Variants in SEMA6D observed in about 807,000 individuals in gnomAD.
SEMA6D encodes semaphorin 6D.
SEMA6D carries 35 observed loss-of-function variants against 106.6 expected under a neutral mutation model. The ratio of observed to expected loss-of-function variants is 0.33; its 90% CI spans 0.25 to 0.44. SEMA6D has a LOEUF of 0.44. Ranked by LOEUF, SEMA6D falls within the 20% of genes least tolerant of loss-of-function variation. SEMA6D has a pLI of 1.00. For missense variants in SEMA6D, 1,185 were observed against 1,345.9 expected (o/e 0.88, Z 1.87); for synonymous variants, 499 against 487.7 (o/e 1.02, Z -0.31).
At chr15:47,291,432 A>G (rs2035589195) in intron 1 of SEMA6D, among the ~76,000 whole-genome samples, 1 of 151,884 alleles carries the variant, frequency 6.6e-6, no homozygotes, top group Non-Finnish European at 1.5e-5. Flanking sequence ...CCAGCACTGG[A>G]CTCTCACCTG....
chr15:47,571,075 C>T (rs1456880459), intron 3 of SEMA6D, among the ~76,000 whole-genome samples: 2 of 152,178 alleles, frequency 1.3e-5, no homozygotes, highest in Non-Finnish European at 2.9e-5. Context: ...AATTCCCTCC[C>T]CTCCCCACTC....
intron 4 of SEMA6D, among the ~76,000 whole-genome samples, chr15:47,641,327 T>C (rs1164050524): frequency 6.6e-6 from 1 of 152,220 alleles, no homozygotes; most frequent in African/African-American, 2.4e-5. Context: ...ACTGAGTGTG[T>C]TGGCAAAGGA....
chr15:47,657,113 T>TG (rs2077812544), intron 4 of SEMA6D, among the ~76,000 whole-genome samples: 1 of 152,206 alleles, frequency 6.6e-6, no homozygotes, highest in Admixed American at 6.5e-5. Context: ...GAAGAAATTG[T>TG]ACAGTTTGAT....
At chr15:47,211,317 C>T (rs994050645) in intron 1 of SEMA6D, among the ~76,000 whole-genome samples, 1 of 152,236 alleles carries the variant, frequency 6.6e-6, no homozygotes, top group African/African-American at 2.4e-5. Context: ...GGATTTACTT[C>T]ATTCTCTTTA....
chr15:47,614,228 G>C (rs974153561), intron 4 of SEMA6D, among the ~76,000 whole-genome samples: 4 of 152,114 alleles, frequency 2.6e-5, no homozygotes, highest in African/African-American at 9.7e-5. Flanking sequence ...TACAAAGTGC[G>C]TGCCCAAACC....
chr15:47,553,411 G>T (rs903228126), intron 3 of SEMA6D, among the ~76,000 whole-genome samples: 3 of 152,078 alleles, frequency 2.0e-5, no homozygotes, highest in African/African-American at 7.2e-5. Context: ...GTCCCAGCAG[G>T]ATTGCATAAA....
upstream of SEMA6D, among the ~76,000 whole-genome samples, chr15:47,714,122 G>C (rs1480072063): frequency 6.6e-6 from 1 of 152,094 alleles, no homozygotes; most frequent in East Asian, 1.9e-4. Context: ...ATTATCCCAA[G>C]TCACAAGTCT....
At chr15:47,542,535 T>A (rs1466006239) in intron 3 of SEMA6D, among the ~76,000 whole-genome samples, 1 of 152,178 alleles carries the variant, frequency 6.6e-6, no homozygotes, top group Admixed American at 6.6e-5. Flanking sequence ...AATACACTAT[T>A]GAGCAAGAGA....
At chr15:47,593,405 CAAAAAAAAAAAAAA>C (rs35561269) in intron 3 of SEMA6D, among the ~76,000 whole-genome samples, 3 of 59,930 alleles carry the variant, frequency 5.0e-5, no homozygotes, top group African/African-American at 6.6e-5. Flanking sequence ...AACTCCGTCT[CAAAAAAAAAAAAAA>C]AAAAAAAAAA....
At chr15:47,335,036 C>A (rs2037494444) in intron 1 of SEMA6D, among the ~76,000 whole-genome samples, 1 of 152,140 alleles carries the variant, frequency 6.6e-6, no homozygotes, top group South Asian at 2.1e-4. Context: ...AGCCTGAAAT[C>A]TACCCACAAA....
chr15:47,279,790 G>A (rs2035022269), intron 1 of SEMA6D, among the ~76,000 whole-genome samples: 1 of 151,540 alleles, frequency 6.6e-6, no homozygotes, highest in African/African-American at 2.4e-5. Flanking sequence ...ATAATCATGT[G>A]TTTTTTGTCT....
At chr15:47,532,991 G>T (rs1427931401) in intron 3 of SEMA6D, among the ~76,000 whole-genome samples, 2 of 152,088 alleles carry the variant, frequency 1.3e-5, no homozygotes, top group African/African-American at 4.8e-5. Flanking sequence ...AGGCTACCAA[G>T]TCTGAGGAAG....
At chr15:47,196,304 G>A (rs990380179) in intron 1 of SEMA6D, among the ~76,000 whole-genome samples, 11 of 152,148 alleles carry the variant, frequency 7.2e-5, no homozygotes, top group Non-Finnish European at 1.0e-4. Context: ...CACTGCACCC[G>A]GAGGGTAATT....
At chr15:47,355,223 A>G (rs1359677963) in intron 1 of SEMA6D, among the ~76,000 whole-genome samples, 1 of 152,212 alleles carries the variant, frequency 6.6e-6, no homozygotes, top group Non-Finnish European at 1.5e-5. Context: ...CCAAAAACAG[A>G]ATTCTCTATC....
intron 4 of SEMA6D, among the ~76,000 whole-genome samples, chr15:47,682,419 G>A (rs921644986): frequency 1.3e-5 from 2 of 151,744 alleles, no homozygotes; most frequent in Non-Finnish European, 2.9e-5. Context: ...CGCCCCCCTC[G>A]GCCTCCCAAA....
chr15:47,458,799 A>C (rs1053385105), intron 2 of SEMA6D, among the ~76,000 whole-genome samples: 4 of 152,076 alleles, frequency 2.6e-5, no homozygotes, highest in African/African-American at 9.7e-5. Context: ...TCCATCTAAA[A>C]AACCTAAAGG....
chr15:47,430,999 C>G (rs975666200), intron 2 of SEMA6D, among the ~76,000 whole-genome samples: 3 of 152,084 alleles, frequency 2.0e-5, no homozygotes, highest in Non-Finnish European at 2.9e-5. Flanking sequence ...TAGATGGTGG[C>G]CATTTCTATA....
intron 2 of SEMA6D, among the ~76,000 whole-genome samples, chr15:47,441,316 A>G (rs951036981): frequency 6.6e-6 from 1 of 152,114 alleles, no homozygotes; most frequent in Admixed American, 6.6e-5. Flanking sequence ...AGTTAAACAG[A>G]GAAGTAAATA....
chr15:47,386,496 C>T (rs1374645017), intron 1 of SEMA6D, among the ~76,000 whole-genome samples: 1 of 152,160 alleles, frequency 6.6e-6, no homozygotes, highest in Non-Finnish European at 1.5e-5. Context: ...TAATCCAAGA[C>T]TGGCTTCAGG....
Sources: gnomAD v4.1 joint callset for allele counts (sites outside exome capture counted in the v4.1 genomes callset) on GRCh38, gnomAD v4.1.1 for gene constraint, MANE v1.5 for transcripts, NCBI Gene and HGNC (gene_info 2026-07-23, HGNC 2026-07-21) for gene names.